The following ADAMTS20 variants were observed in gnomAD, a reference collection of about 807,000 sequenced individuals.
The protein encoded by ADAMTS20 is ADAM metallopeptidase with thrombospondin type 1 motif 20.
A neutral mutation model predicts 260.1 loss-of-function variants in ADAMTS20; 225 were observed. The ratio of observed to expected loss-of-function variants is 0.87; its 90% CI spans 0.78 to 0.97. The LOEUF (loss-of-function observed/expected upper bound fraction) is 0.97. Among genes scored for constraint, ADAMTS20 ranks in the 50% least tolerant of loss-of-function variants. The probability of loss-of-function intolerance (pLI) is 0.00; values close to 1 mark genes in which losing one functional copy is unlikely to be tolerated. For missense variants in ADAMTS20, 2,400 were observed against 2,337.7 expected (o/e 1.03, Z -0.55); for synonymous variants, 802 against 769.5 (o/e 1.04, Z -0.70).
intron 4 of ADAMTS20, among the ~76,000 whole-genome samples, chr12:43,494,997 A>T (rs936481988): frequency 2.0e-5 from 3 of 152,218 alleles, no homozygotes; most frequent in African/African-American, 7.2e-5. Flanking sequence ...CAGAAAAAAG[A>T]GCATATGCAC....
Position 43,551,740 on chromosome 12 carries a change from C to T in ADAMTS20, c.91+91G>A, listed in dbSNP as rs1173112135. The T allele has an allele frequency of 2.2e-5, 30 of 1,345,014 alleles. No individual in the cohort carries two copies. Among genetic ancestry groups the T allele is most frequent in the Non-Finnish European group, 3.1e-5 (30 of 953,340 alleles). The allele number at this position is 1,345,014 out of a possible 1,614,324, so 83.3% of individuals were successfully genotyped here. On this transcript the variant is annotated intron_variant, in intron 1 of 38. Transcript: ENST00000389420. This position sits in a 1 kb window ranked among gnomAD's most constrained non-coding sequence, Gnocchi z 4.6. ...CTCCAGCAGGGCCAGCGTTCCCCAA[C>T]GGGCTGAGCCGCTCGTCCCCGCGAC...
intron 2 of ADAMTS20, among the ~76,000 whole-genome samples, chr12:43,550,654 ACTCCAGGGAT>A (rs1048809074): frequency 6.6e-6 from 1 of 151,796 alleles, no homozygotes; most frequent in African/African-American, 2.4e-5. Flanking sequence ...CCTGATCACC[ACTCCAGGGAT>A]GATGAAAGAG....
chr12:43,427,612 T>A, intron 26 of ADAMTS20, 143 bp from the exon 27 acceptor site: 1 of 786,832 alleles, frequency 1.3e-6, no homozygotes, highest in Non-Finnish European at 1.8e-6. Context: ...CAATTTGAAT[T>A]GAGAAAATCT....
intron 2 of ADAMTS20, among the ~76,000 whole-genome samples, chr12:43,545,534 C>G (rs1044048479): frequency 2.0e-5 from 3 of 152,184 alleles, no homozygotes; most frequent in Non-Finnish European, 2.9e-5. Flanking sequence ...TTACACAGCA[C>G]TTTTTATGTT....
In ADAMTS20 at chr12:43,502,272, G is replaced by A. The variant is rs577172656; in HGVS notation, c.747C>T (p.Ser249=). ...NVPLKDERRH[S]RKKRLISYPR... ...GATATGATATAAGACGTTTTTTCCT[G>A]GAATGTCTTCTTTCATCTTTCAATG... Residue 249 remains serine, a synonymous_variant, in exon 4 of 39, where the codon TCC becomes TCT. Transcript: ENST00000389420. The A allele has an allele frequency of 6.2e-7, 1 of 1,610,996 alleles. No homozygotes were observed. The highest frequency in any genetic ancestry group is 2.2e-5 in the East Asian group (1 of 44,722).
intron 2 of ADAMTS20, among the ~76,000 whole-genome samples, chr12:43,545,384 G>A (rs1330310824): frequency 6.6e-6 from 1 of 152,108 alleles, no homozygotes; most frequent in African/African-American, 2.4e-5. Context: ...CTGTTTTTCA[G>A]CTGCACAGTC....
At chr12:43,395,888 A>G (rs1302259314) in intron 29 of ADAMTS20, among the ~76,000 whole-genome samples, 3 of 151,658 alleles carry the variant, frequency 2.0e-5, no homozygotes, top group African/African-American at 7.3e-5. Flanking sequence ...TTTTTTTCCT[A>G]GAGATTGTGC....
chr12:43,546,052 G>A (rs980342685), intron 2 of ADAMTS20, among the ~76,000 whole-genome samples: 29 of 152,226 alleles, frequency 1.9e-4, no homozygotes, highest in African/African-American at 6.7e-4. Flanking sequence ...ATACAGAATG[G>A]CATGTGTAAT....
At chr12:43,454,877 C>T (rs948391225) in intron 11 of ADAMTS20, among the ~76,000 whole-genome samples, 3 of 152,060 alleles carry the variant, frequency 2.0e-5, no homozygotes, top group Non-Finnish European at 2.9e-5. Context: ...TAAAAATTGG[C>T]TTATGTTTAT....
At chr12:43,474,559 T>G (rs1942319744) in intron 7 of ADAMTS20, among the ~76,000 whole-genome samples, 1 of 99,768 alleles carries the variant, frequency 1.0e-5, no homozygotes, top group African/African-American at 4.1e-5. Flanking sequence ...TAGACCAATA[T>G]CCTTGATGAA....
chr12:43,427,516 T>C (rs1941356773), intron 26 of ADAMTS20, 47 bp from the exon 27 acceptor site: 4 of 1,508,092 alleles, frequency 2.7e-6, no homozygotes, highest in Admixed American at 4.5e-5. Flanking sequence ...GGATTCCACA[T>C]AATGAATTTA....
chr12:43,519,481 G>A (rs1475388065), intron 3 of ADAMTS20, among the ~76,000 whole-genome samples: 1 of 152,090 alleles, frequency 6.6e-6, no homozygotes, highest in Non-Finnish European at 1.5e-5. Context: ...AACCCATGCT[G>A]GGGCAAGGTT....
intron 9 of ADAMTS20, among the ~76,000 whole-genome samples, chr12:43,466,406 AT>A (rs143024266): frequency 0.024 from 3,644 of 152,034 alleles, 66 homozygotes; most frequent in East Asian, 0.08. Flanking sequence ...GAATAAAAAA[AT>A]AATAGCTAGG....
chr12:43,549,198 C>CATTA (rs10658120), intron 2 of ADAMTS20, among the ~76,000 whole-genome samples: 4 of 151,404 alleles, frequency 2.6e-5, no homozygotes, highest in Non-Finnish European at 5.9e-5. Flanking sequence ...TTGTATAATA[C>CATTA]ATTATCCACA....
At chr12:43,545,466 G>C (rs986837253) in intron 2 of ADAMTS20, among the ~76,000 whole-genome samples, 3 of 152,168 alleles carry the variant, frequency 2.0e-5, no homozygotes, top group Non-Finnish European at 1.5e-5. Flanking sequence ...GTCTTGCCCA[G>C]CAGAGGTCTC....
intron 28 of ADAMTS20, among the ~76,000 whole-genome samples, chr12:43,424,432 T>C (rs1009502033): frequency 1.3e-5 from 2 of 152,152 alleles, no homozygotes; most frequent in African/African-American, 4.8e-5. Flanking sequence ...GCATAATCTA[T>C]AGATTATTAC....
chr12:43,518,559 C>G (rs570518858), intron 3 of ADAMTS20, among the ~76,000 whole-genome samples: 13 of 152,104 alleles, frequency 8.5e-5, no homozygotes, highest in African/African-American at 3.1e-4. Flanking sequence ...AGTCTATTCC[C>G]CAGACAATCT....
chr12:43,431,481 C>G lies in ADAMTS20; in HGVS notation c.3112G>C (p.Gly1038Arg). Residue 1038 changes from glycine to arginine, a missense_variant, in exon 22 of 39, where the codon GGT becomes CGT. Physicochemically the swap from Gly to Arg is moderately radical, Grantham distance 125. Coordinates refer to ENST00000389420, the MANE Select transcript of ADAMTS20 (RefSeq NM_025003.5). ...ACCTGCCGCTGCTTTGTTCCTTTAC[C>G]ACATGTAACAAGGCACTGTAAGAAT... ...SEWSECLVTCGKGTKQRQVWC... is the reference protein window; with the variant it reads ...SEWSECLVTCRKGTKQRQVWC... 6.2e-7 allele frequency: 1 copy of G among 1,613,890 alleles called. No individual in the cohort carries two copies. The highest frequency in any genetic ancestry group is 1.7e-4 in the Middle Eastern group (1 of 6,060).
At chr12:43,387,820 G>A (rs1940513125) in intron 29 of ADAMTS20, among the ~76,000 whole-genome samples, 1 of 152,162 alleles carries the variant, frequency 6.6e-6, no homozygotes, top group African/African-American at 2.4e-5. Context: ...CTGTGGCTTT[G>A]TTTACACTGT....
Sources: gnomAD v4.1 joint callset for allele counts (sites outside exome capture counted in the v4.1 genomes callset) on GRCh38, gnomAD v4.1.1 for gene constraint, Gnocchi (gnomAD v3.1) non-coding constraint, MANE v1.5 for transcripts, NCBI Gene and HGNC (gene_info 2026-07-23, HGNC 2026-07-21) for gene names.